The following HDAC9 variants were observed in gnomAD, a reference collection of about 807,000 sequenced individuals.
HDAC9 encodes the protein MEF-2 interacting transcription repressor (MITR) protein.
In HDAC9, 41 loss-of-function variants were observed where a neutral mutation model predicts 139.4. The ratio of observed to expected loss-of-function variants is 0.29; its 90% CI spans 0.23 to 0.38. HDAC9 has a LOEUF of 0.38. Among genes scored for constraint, HDAC9 ranks in the 10% least tolerant of loss-of-function variants. HDAC9 has a pLI of 1.00. For missense variants in HDAC9, 1,147 were observed against 1,297.0 expected (o/e 0.88, Z 1.78); for synonymous variants, 517 against 476.2 (o/e 1.09, Z -1.12).
chr7:18,688,592 TC>T (rs1358352414), intron 12 of HDAC9, among the ~76,000 whole-genome samples: 1 of 151,930 alleles, frequency 6.6e-6, no homozygotes, highest in African/African-American at 2.4e-5. Flanking sequence ...AGTTGGCACA[TC>T]CTTTTTTTCC....
intron 2 of HDAC9, among the ~76,000 whole-genome samples, chr7:18,276,810 TTTAC>T (rs1237191321): frequency 6.6e-6 from 1 of 152,216 alleles, no homozygotes; most frequent in Non-Finnish European, 1.5e-5. Flanking sequence ...CTGTCTAATA[TTTAC>T]TTCAAAAACA....
At chr7:18,214,644 T>G (rs966039209) in intron 2 of HDAC9, among the ~76,000 whole-genome samples, 1 of 152,060 alleles carries the variant, frequency 6.6e-6, no homozygotes, top group Non-Finnish European at 1.5e-5. Context: ...CATAGGAAAC[T>G]TATATATAAT....
chr7:18,474,749 A>G (rs1794986140), intron 1 of HDAC9, among the ~76,000 whole-genome samples: 1 of 152,156 alleles, frequency 6.6e-6, no homozygotes, highest in Non-Finnish European at 1.5e-5. Flanking sequence ...AAAACAGTGA[A>G]ATTTAAAACC....
chr7:18,966,298 A>G (rs1044466342), intron 24 of HDAC9, among the ~76,000 whole-genome samples: 19 of 152,140 alleles, frequency 1.2e-4, no homozygotes, highest in Admixed American at 5.9e-4. Context: ...TGACATTTAA[A>G]TTTCTGATCT....
chr7:18,336,050 A>G (rs1781559793), intron 1 of HDAC9, among the ~76,000 whole-genome samples: 1 of 151,648 alleles, frequency 6.6e-6, no homozygotes, highest in African/African-American at 2.4e-5. Flanking sequence ...TTCTCTTAAG[A>G]AAATTAAGAA....
intron 1 of HDAC9, among the ~76,000 whole-genome samples, chr7:18,116,563 A>G (rs116721281): frequency 0.03 from 4,576 of 152,278 alleles, 236 homozygotes; most frequent in African/African-American, 0.11. Flanking sequence ...TTTGGTTAAC[A>G]TATGTATCAC....
At chr7:18,914,404 A>T (rs186499783) in intron 22 of HDAC9, among the ~76,000 whole-genome samples, 7 of 151,914 alleles carry the variant, frequency 4.6e-5, no homozygotes, top group Non-Finnish European at 1.0e-4. Context: ...CAAGACATGC[A>T]ACAGCAATCC....
chr7:18,560,230 A>G (rs959083958), intron 2 of HDAC9, among the ~76,000 whole-genome samples: 13 of 152,186 alleles, frequency 8.5e-5, no homozygotes, highest in Non-Finnish European at 1.8e-4. Flanking sequence ...TTGAGCATGG[A>G]CCATAACTGG....
chr7:18,859,685 T>C (rs558226907), intron 21 of HDAC9, among the ~76,000 whole-genome samples: 130 of 151,524 alleles, frequency 8.6e-4, no homozygotes, highest in African/African-American at 3.0e-3. Context: ...GTAATTTGTT[T>C]TGTGAATTCT....
chr7:18,980,198 AC>A (rs780010964), intron 25 of HDAC9, among the ~76,000 whole-genome samples: 1 of 152,118 alleles, frequency 6.6e-6, no homozygotes, highest in Non-Finnish European at 1.5e-5. Flanking sequence ...CTGACTTAGA[AC>A]ATTAGGGATG....
intron 25 of HDAC9, among the ~76,000 whole-genome samples, chr7:18,984,950 C>A (rs533358592): frequency 6.6e-6 from 1 of 152,200 alleles, no homozygotes; most frequent in South Asian, 2.1e-4. Flanking sequence ...GCTTTTATTT[C>A]TGCACAGCCT....
intron 1 of HDAC9, among the ~76,000 whole-genome samples, chr7:18,479,437 A>C (rs1215123556): frequency 6.6e-6 from 1 of 152,130 alleles, no homozygotes; most frequent in Non-Finnish European, 1.5e-5. Flanking sequence ...CATATGTGGG[A>C]CAATATTCCA....
intron 2 of HDAC9, among the ~76,000 whole-genome samples, chr7:18,184,089 A>T (rs1308539148): frequency 6.6e-6 from 1 of 152,272 alleles, no homozygotes; most frequent in East Asian, 1.9e-4. Context: ...TGGATTTTGG[A>T]ATATTTGCAT....
At chr7:18,139,143 T>G (rs1785693378) in intron 1 of HDAC9, among the ~76,000 whole-genome samples, 1 of 115,586 alleles carries the variant, frequency 8.7e-6, no homozygotes, top group Non-Finnish European at 1.7e-5. Context: ...TTTTTTTTTT[T>G]GAGACAGGCT....
At chr7:18,664,159 A>T (rs1275128158) in intron 11 of HDAC9, among the ~76,000 whole-genome samples, 1 of 152,168 alleles carries the variant, frequency 6.6e-6, no homozygotes, top group Non-Finnish European at 1.5e-5. Flanking sequence ...AGAAAAGAAG[A>T]GCTGATTAGT....
At chr7:18,133,367 T>A (rs1413266514) in intron 1 of HDAC9, among the ~76,000 whole-genome samples, 1 of 152,206 alleles carries the variant, frequency 6.6e-6, no homozygotes, top group Non-Finnish European at 1.5e-5. Context: ...AGCATTTAGT[T>A]AAGCAGTGGT....
At chr7:18,846,537 T>C (rs1796917111) in intron 21 of HDAC9, among the ~76,000 whole-genome samples, 1 of 152,162 alleles carries the variant, frequency 6.6e-6, no homozygotes, top group Admixed American at 6.5e-5. Flanking sequence ...CATAATTACA[T>C]CAGAAACAGT....
chr7:18,395,743 C>A (rs1004236825), intron 1 of HDAC9, among the ~76,000 whole-genome samples: 2 of 152,194 alleles, frequency 1.3e-5, no homozygotes, highest in South Asian at 2.1e-4. Flanking sequence ...TTTTTAAACA[C>A]TCAACCACTG....
intron 12 of HDAC9, among the ~76,000 whole-genome samples, chr7:18,705,576 C>T (rs1783822124): frequency 1.3e-5 from 2 of 152,058 alleles, no homozygotes; most frequent in Admixed American, 6.6e-5. Flanking sequence ...TTAGGCTGGG[C>T]ACAGTGGCTC....
Sources: allele counts gnomAD v4.1 joint callset (sites outside exome capture counted in the v4.1 genomes callset), GRCh38; gene constraint gnomAD v4.1.1; transcripts MANE v1.5; gene names NCBI Gene and HGNC (gene_info 2026-07-23, HGNC 2026-07-21).